RUNX2: variants seen among roughly 807,000 people sequenced by gnomAD.
RUNX2 encodes runt-related transcription factor 2.
In RUNX2, 10 loss-of-function variants were observed where a neutral mutation model predicts 51.7. The ratio of observed to expected loss-of-function variants is 0.19; its 90% confidence interval spans 0.12 to 0.33. The LOEUF is 0.33. RUNX2 is among the 10% of genes least tolerant of loss of function. The pLI is 1.00. For missense variants in RUNX2, 562 were observed against 691.3 expected, an observed-to-expected ratio of 0.81 and a Z score of 2.10; for synonymous variants, 276 against 273.6, an observed-to-expected ratio of 1.01 and a Z score of -0.09.
intron 5 of RUNX2, among the ~76,000 whole-genome samples, chr6:45,476,281 C>A (rs1799953322): frequency 6.6e-6 from 1 of 152,134 alleles, no homozygotes; most frequent in Non-Finnish European, 1.5e-5. Context: ...ACTGGAGTGG[C>A]AAATGGTAGG....
chr6:45,453,785 C>CTT (rs1799243541), intron 5 of RUNX2, among the ~76,000 whole-genome samples: 1 of 152,184 alleles, frequency 6.6e-6, no homozygotes, highest in Non-Finnish European at 1.5e-5. Context: ...CATTGACTCT[C>CTT]TTTGGGTATT....
At chr6:45,379,633 G>A (rs1001783133) in intron 2 of RUNX2, among the ~76,000 whole-genome samples, 2 of 152,072 alleles carry the variant, frequency 1.3e-5, no homozygotes, top group Admixed American at 6.5e-5. Flanking sequence ...TTGGGAGGCC[G>A]AGACGGGCAG....
intron 7 of RUNX2, among the ~76,000 whole-genome samples, chr6:45,516,231 A>G (rs543808779): frequency 6.6e-6 from 1 of 152,220 alleles, no homozygotes; most frequent in African/African-American, 2.4e-5. Flanking sequence ...GAAAGATATA[A>G]TACTAGACGT....
At chr6:45,403,229 CTTTTTTTTTTT>C (rs201142802) in intron 2 of RUNX2, among the ~76,000 whole-genome samples, 6,165 of 108,902 alleles carry the variant, frequency 0.057, 357 homozygotes, top group African/African-American at 0.15. Context: ...GTTTGAGTTT[CTTTTTTTTTTT>C]TTTTTTTTTT....
chr6:45,427,333 T>C (rs188018806), intron 3 of RUNX2, among the ~76,000 whole-genome samples: 201 of 152,208 alleles, frequency 1.3e-3, no homozygotes, highest in African/African-American at 4.5e-3. Context: ...ACCACCATGA[T>C]ACATGGCCCA....
intron 5 of RUNX2, among the ~76,000 whole-genome samples, chr6:45,475,399 G>T (rs944879518): frequency 1.3e-5 from 2 of 152,166 alleles, no homozygotes; most frequent in African/African-American, 2.4e-5. Flanking sequence ...GATAGATGAT[G>T]ACTTTTAGGA....
chr6:45,496,266 C>G (rs967213411), intron 6 of RUNX2, among the ~76,000 whole-genome samples: 1 of 152,044 alleles, frequency 6.6e-6, no homozygotes, highest in Non-Finnish European at 1.5e-5. Context: ...TTGGGACATT[C>G]ATCTCGCTTT....
At chr6:45,492,168 G>C (rs1380518004) in intron 6 of RUNX2, 54 bp downstream of exon 6, 5 of 1,571,338 alleles carry the variant, frequency 3.2e-6, no homozygotes, top group Admixed American at 1.7e-5. Context: ...CTGGGGGTGA[G>C]GGGCTACCAG....
chr6:45,337,591 C>T (rs1788851706), intron 2 of RUNX2, among the ~76,000 whole-genome samples: 1 of 151,790 alleles, frequency 6.6e-6, no homozygotes, highest in Non-Finnish European at 1.5e-5. Flanking sequence ...CAACGGACTA[C>T]CTGTTCTAGC....
In RUNX2 at chr6:45,526,368, G is replaced by A. The variant is rs547860332; in HGVS notation, c.1021+13961G>A. Among the ~76,000 whole-genome samples, 83 of 152,300 alleles carry A rather than the reference G, an allele frequency of 5.4e-4. No homozygotes were observed. In the Middle Eastern group the frequency reaches 0.01, roughly 19 times the overall value. On this transcript the variant is annotated intron_variant, in intron 7 of 8. Coordinates refer to ENST00000647337, the MANE Select transcript of RUNX2 (RefSeq NM_001024630.4). Reference sequence around the variant, plus strand: ...ATTTATTTGTTAACCCTCTTTACATGAGAATGGTACATTTGTAAGTGATAA... The same window carrying A: ...ATTTATTTGTTAACCCTCTTTACATAAGAATGGTACATTTGTAAGTGATAA...
At chr6:45,514,206 A>G (rs1029501387) in intron 7 of RUNX2, among the ~76,000 whole-genome samples, 16 of 152,210 alleles carry the variant, frequency 1.1e-4, no homozygotes, top group African/African-American at 2.4e-5. Context: ...CTGTGAGTTC[A>G]CCAGGAAAGC....
At chr6:45,445,755 A>G (rs901904154) in intron 5 of RUNX2, among the ~76,000 whole-genome samples, 8 of 151,906 alleles carry the variant, frequency 5.3e-5, no homozygotes, top group Non-Finnish European at 8.8e-5. Context: ...GAAAATCTTT[A>G]ACTTAAGAGA....
intron 7 of RUNX2, among the ~76,000 whole-genome samples, chr6:45,513,957 A>G (rs770819910): frequency 1.3e-5 from 2 of 152,198 alleles, no homozygotes; most frequent in Non-Finnish European, 2.9e-5. Context: ...TTCCTTCTGC[A>G]TTTCATACTG....
chr6:45,477,397 G>C (rs1799986474), intron 5 of RUNX2, among the ~76,000 whole-genome samples: 1 of 152,092 alleles, frequency 6.6e-6, no homozygotes, highest in African/African-American at 2.4e-5. Flanking sequence ...TGCTTCCTGG[G>C]TGTCTGCACC....
chr6:45,364,547 A>G (rs1220501341), intron 2 of RUNX2, among the ~76,000 whole-genome samples: 1 of 104,994 alleles, frequency 9.5e-6, no homozygotes, highest in Non-Finnish European at 1.8e-5. Context: ...AAAAACTACT[A>G]TGTGTCAACA....
intron 3 of RUNX2, among the ~76,000 whole-genome samples, chr6:45,425,208 A>C (rs1035066896): frequency 1.3e-5 from 2 of 152,210 alleles, no homozygotes; most frequent in Admixed American, 6.5e-5. Context: ...TCTGCTAAAC[A>C]TATTTAAGGT....
intron 2 of RUNX2, among the ~76,000 whole-genome samples, chr6:45,380,450 C>G (rs959360880): frequency 4.6e-5 from 7 of 152,184 alleles, no homozygotes; most frequent in Non-Finnish European, 2.9e-5. Context: ...AGAGAAAGTG[C>G]ATGTATCTAA....
intron 7 of RUNX2, among the ~76,000 whole-genome samples, chr6:45,540,669 A>G (rs1441573412): frequency 1.3e-5 from 2 of 152,226 alleles, no homozygotes; most frequent in African/African-American, 4.8e-5. Flanking sequence ...AATAAAGATT[A>G]TGATCTTAGT....
Position 45,536,978 on chromosome 6 carries a change from C to T in RUNX2, c.1022-8239C>T, listed in dbSNP as rs114704969. ...TTATGTATTTTCTAGCTTGGAGACC[C>T]AATCTTTTCGGTTTCCTTCTTCTCT... is the stretch of plus-strand genomic sequence containing the variant. On this transcript the variant is annotated intron_variant, in intron 7 of 8. Coordinates refer to ENST00000647337, the MANE Select transcript of RUNX2 (RefSeq NM_001024630.4). Among the ~76,000 whole-genome samples the T allele has an allele frequency of 7.8e-3, 1,195 of 152,252 alleles. 19 individuals are homozygous for T. Among genetic ancestry groups the T allele is most frequent in the African/African-American group, 0.027 (1,107 of 41,526 alleles).
Sources: gnomAD v4.1 joint callset for allele counts (sites outside exome capture counted in the v4.1 genomes callset) on GRCh38, gnomAD v4.1.1 for gene constraint, MANE v1.5 for transcripts, NCBI Gene and HGNC (gene_info 2026-07-23, HGNC 2026-07-21) for gene names.